EYA4: variants seen among roughly 807,000 people sequenced by gnomAD.
EYA4 encodes EYA transcriptional coactivator and phosphatase 4, also known as protein phosphatase EYA4.
A neutral mutation model predicts 87.9 loss-of-function variants in EYA4; 31 were observed. That is an observed-to-expected ratio of 0.35 (90% CI 0.27 to 0.48). The LOEUF (loss-of-function observed/expected upper bound fraction) is 0.48, where lower values mean the gene tolerates loss of function less well. Among genes scored for constraint, EYA4 ranks in the 20% least tolerant of loss-of-function variants. EYA4 has a pLI of 0.99. For missense variants in EYA4, 678 were observed against 761.4 expected (o/e 0.89, Z 1.29); for synonymous variants, 263 against 270.6 (o/e 0.97, Z 0.28).
At chr6:133,388,476 C>T (rs1032657122) in intron 3 of EYA4, among the ~76,000 whole-genome samples, 5 of 151,156 alleles carry the variant, frequency 3.3e-5, no homozygotes, top group Admixed American at 1.3e-4. Context: ...TGTGCCCAAT[C>T]GACCCTTCCA....
At chr6:133,285,387 C>T (rs572042632) in intron 2 of EYA4, among the ~76,000 whole-genome samples, 48 of 152,060 alleles carry the variant, frequency 3.2e-4, no homozygotes, top group African/African-American at 1.1e-3. Flanking sequence ...GAACAGCAAC[C>T]GTGAGGTGGT....
chr6:133,364,907 G>C lies in EYA4; in HGVS notation c.34-17485G>C, dbSNP rs543060762. Among the ~76,000 whole-genome samples the C allele has an allele frequency of 1.2e-4, 18 of 152,294 alleles. No individual in the cohort carries two copies. In the South Asian group the frequency reaches 3.7e-3, roughly 32 times the overall value. The stretch of plus-strand genomic sequence containing the variant: ...GACAGTTGGGTCATTAACTGCAACT[G>C]GCCCAGTTAGGGATCATCCTCTTTT... On this transcript the variant is annotated intron_variant, in intron 2 of 19. Transcript: ENST00000355286.
At position 133,515,329 on chromosome 6, in the gene EYA4, G is replaced by A; in HGVS notation, c.1510G>A (p.Gly504Ser). The change falls in exon 17 of 20, where the codon GGC (glycine) becomes AGC (serine). Residue 504 changes from glycine to serine, a missense_variant. Coordinates refer to ENST00000355286, the MANE Select transcript of EYA4 (RefSeq NM_004100.5). The part of the protein sequence containing the change: ...TYKNNVGGLL[G>S]PAKRDAWLQL... ...GTTTTTTGGTGTTGCAGGACTCCTT[G>A]GCCCTGCCAAGAGGGATGCCTGGCT... 6.2e-7 allele frequency: 1 copy of A among 1,602,342 alleles called. No individual in the cohort carries two copies. Among genetic ancestry groups the A allele is most frequent in the Non-Finnish European group, 8.6e-7 (1 of 1,169,264 alleles).
At chr6:133,452,100 G>T (rs1279902594) in intron 5 of EYA4, among the ~76,000 whole-genome samples, 1 of 151,960 alleles carries the variant, frequency 6.6e-6, no homozygotes, top group East Asian at 1.9e-4. Flanking sequence ...TAAATCATAG[G>T]CTATACTGAT....
chr6:133,441,531 G>T (rs893908559), intron 3 of EYA4, among the ~76,000 whole-genome samples: 9 of 152,200 alleles, frequency 5.9e-5, no homozygotes, highest in South Asian at 2.1e-4. Context: ...AGGGAAAGGG[G>T]TTCTTACCCC....
chr6:133,285,609 A>T (rs372467003), intron 2 of EYA4, among the ~76,000 whole-genome samples: 1 of 152,270 alleles, frequency 6.6e-6, no homozygotes, highest in South Asian at 2.1e-4. Context: ...GAGCTTAGGT[A>T]TTGTGTGATG....
intron 3 of EYA4, among the ~76,000 whole-genome samples, chr6:133,385,108 G>A (rs1307385805): frequency 1.3e-5 from 2 of 151,700 alleles, no homozygotes; most frequent in African/African-American, 4.8e-5. Flanking sequence ...GACCATCCTG[G>A]CTAACACAGT....
At chr6:133,427,856 C>G (rs945391798) in intron 3 of EYA4, among the ~76,000 whole-genome samples, 5 of 151,122 alleles carry the variant, frequency 3.3e-5, no homozygotes, top group Admixed American at 1.3e-4. Context: ...ATACCTAGGG[C>G]TGAGTGAATA....
intron 2 of EYA4, among the ~76,000 whole-genome samples, chr6:133,285,154 G>A (rs373037055): frequency 1.7e-4 from 25 of 150,366 alleles, no homozygotes; most frequent in African/African-American, 6.1e-4. Flanking sequence ...CCGCCACCAC[G>A]CCCGGCTAAT....
chr6:133,394,284 GT>G (rs869103311), intron 3 of EYA4, among the ~76,000 whole-genome samples: 1 of 17,902 alleles, frequency 5.6e-5, no homozygotes, highest in African/African-American at 1.5e-4. Context: ...ATAAGCTTGT[GT>G]TTTTTTTTTT....
chr6:133,311,323 ATTTG>A (rs1247694023), intron 2 of EYA4, among the ~76,000 whole-genome samples: 2 of 151,694 alleles, frequency 1.3e-5, no homozygotes, highest in Non-Finnish European at 2.9e-5. Context: ...TTTAATTTTT[ATTTG>A]TTTATTTATT....
At chr6:133,399,227 T>A (rs1057097293) in intron 3 of EYA4, among the ~76,000 whole-genome samples, 1 of 152,164 alleles carries the variant, frequency 6.6e-6, no homozygotes, top group Admixed American at 6.5e-5. Flanking sequence ...AATTTCTTCT[T>A]TCTGATAGTA....
chr6:133,267,542 C>G (rs1193917828), intron 1 of EYA4, among the ~76,000 whole-genome samples: 1 of 152,002 alleles, frequency 6.6e-6, no homozygotes, highest in Non-Finnish European at 1.5e-5. Flanking sequence ...GCCACCATGC[C>G]CGGCTAATTT....
At chr6:133,438,331 C>T (rs1791904394) in intron 3 of EYA4, among the ~76,000 whole-genome samples, 1 of 150,794 alleles carries the variant, frequency 6.6e-6, no homozygotes, top group Admixed American at 6.6e-5. Context: ...GTAACATTTT[C>T]TGTTTCTTCT....
At chr6:133,495,718 G>C (rs963069027) in intron 13 of EYA4, among the ~76,000 whole-genome samples, 2 of 152,158 alleles carry the variant, frequency 1.3e-5, no homozygotes, top group Non-Finnish European at 2.9e-5. Flanking sequence ...TCTGAAACTT[G>C]AGTGTGTGTC....
chr6:133,423,930 G>A (rs186742431), intron 3 of EYA4, among the ~76,000 whole-genome samples: 33 of 152,306 alleles, frequency 2.2e-4, no homozygotes, highest in African/African-American at 7.7e-4. Context: ...AGTGAAGAGT[G>A]AACAAGATAA....
At chr6:133,271,221 C>G (rs1417365679) in intron 1 of EYA4, among the ~76,000 whole-genome samples, 4 of 152,044 alleles carry the variant, frequency 2.6e-5, no homozygotes, top group African/African-American at 4.8e-5. Flanking sequence ...TTTGCCCCAG[C>G]CCTGCAAAGT....
In EYA4 at chr6:133,529,662, C is replaced by T; in HGVS notation, c.*857C>T. ...AGAAAACAACAATAATAAAGGAAAG[C>T]TTGTGTTTCATTTGGGTTCTTAATA... On this transcript the variant is annotated 3_prime_UTR_variant, in exon 20 of 20. Transcript: ENST00000355286. 6.1e-6 allele frequency: 6 copies of T among 983,898 alleles called. No homozygotes were observed. In the South Asian group the frequency reaches 2.8e-4, roughly 46 times the overall value. 60.9% of individuals were successfully genotyped at this position (983,898 alleles called of 1,614,324 possible).
At chr6:133,456,815 G>A (rs1451698475) in intron 6 of EYA4, among the ~76,000 whole-genome samples, 167 bp downstream of exon 6, 1 of 152,138 alleles carries the variant, frequency 6.6e-6, no homozygotes, top group Non-Finnish European at 1.5e-5. Context: ...AGTATGCATT[G>A]TTATAAATTA....
Sources: allele counts gnomAD v4.1 joint callset (sites outside exome capture counted in the v4.1 genomes callset), GRCh38; gene constraint gnomAD v4.1.1; transcripts MANE v1.5; gene names NCBI Gene and HGNC (gene_info 2026-07-23, HGNC 2026-07-21).